The following TCF7L2 variants were observed in gnomAD, a reference collection of about 807,000 sequenced individuals.
TCF7L2 encodes transcription factor 7 like 2, also known as transcription factor 7-like 2.
A neutral mutation model predicts 77.9 loss-of-function variants in TCF7L2; 23 were observed. That is an observed-to-expected ratio of 0.30 (90% CI 0.21 to 0.42). TCF7L2 has a LOEUF of 0.42. TCF7L2 is among the 10% of genes least tolerant of loss of function. The pLI, the probability that TCF7L2 is intolerant of heterozygous loss-of-function variation, is 1.00. For missense variants in TCF7L2, 654 were observed against 793.1 expected (o/e 0.82, Z 2.11); for synonymous variants, 413 against 340.2 (o/e 1.21, Z -2.36).
chr10:113,020,161 A>G (rs1378400726), intron 4 of TCF7L2, among the ~76,000 whole-genome samples: 1 of 152,214 alleles, frequency 6.6e-6, no homozygotes, highest in African/African-American at 2.4e-5. Flanking sequence ...TAATGAGGTC[A>G]GTGAGGGCAG....
In TCF7L2 at chr10:112,964,458, A is replaced by G; in HGVS notation, c.382-98A>G. 2.8e-6 allele frequency: 3 copies of G among 1,077,350 alleles called. No homozygotes were observed. The East Asian group carries it at 7.3e-5, about 26-fold the overall frequency. 66.7% of individuals were successfully genotyped at this position (1,077,350 alleles called of 1,614,324 possible). ...TGATTGAATGCCAAGGCTGCAGTTC[A>G]ATCTAGGAAGGTTTGTCTGCTATTC... On this transcript the variant is annotated intron_variant, in intron 3 of 13. Transcript: ENST00000627217.
chr10:113,142,046 C>T (rs1028725366), intron 6 of TCF7L2, among the ~76,000 whole-genome samples: 5 of 152,200 alleles, frequency 3.3e-5, no homozygotes, highest in African/African-American at 9.6e-5. Flanking sequence ...GCTCTGTCAT[C>T]CAGGCTGGAG....
At position 112,988,390 on chromosome 10, in the gene TCF7L2, C is replaced by T. The variant is rs565866294; in HGVS notation, c.450+23766C>T. ...CTGGGATTACAGGCGTGAGCCACTG[C>T]ACCTGGCCCGTGTGTTGTTTTGAGC... On this transcript the variant is annotated intron_variant, in intron 4 of 13. Transcript: ENST00000627217. 2.6e-5 allele frequency among the ~76,000 whole-genome samples: 4 copies of T among 152,312 alleles called. No homozygotes were observed. In the South Asian group the frequency reaches 6.2e-4, roughly 24 times the overall value.
At chr10:112,987,161 T>A (rs959215133) in intron 4 of TCF7L2, among the ~76,000 whole-genome samples, 1 of 152,212 alleles carries the variant, frequency 6.6e-6, no homozygotes, top group Non-Finnish European at 1.5e-5. Flanking sequence ...ATACACTTGA[T>A]GTGCCAAGAG....
intron 4 of TCF7L2, among the ~76,000 whole-genome samples, chr10:113,011,446 T>C (rs1468104848): frequency 6.6e-6 from 1 of 152,174 alleles, no homozygotes; most frequent in Non-Finnish European, 1.5e-5. Context: ...CTGGTTAAAA[T>C]GTAGATTCTG....
chr10:113,066,990 G>A (rs1048231051), intron 5 of TCF7L2, among the ~76,000 whole-genome samples: 33 of 152,328 alleles, frequency 2.2e-4, no homozygotes, highest in Admixed American at 8.5e-4. Context: ...CGATATTAGA[G>A]CATTTAATAT....
At chr10:113,025,055 GA>G (rs1486335475) in intron 4 of TCF7L2, among the ~76,000 whole-genome samples, 4 of 151,950 alleles carry the variant, frequency 2.6e-5, no homozygotes, top group Non-Finnish European at 5.9e-5. Context: ...TCAAATTTCA[GA>G]TTTTGAAGCT....
At position 113,163,135 on chromosome 10, in the gene TCF7L2, G is replaced by A. The variant is rs146309639; in HGVS notation, c.1392-2420G>A. Among the ~76,000 whole-genome samples the A allele has an allele frequency of 1.8e-3, 279 of 152,108 alleles. 1 individual carries two copies. The highest frequency in any genetic ancestry group is 6.5e-3 in the African/African-American group (268 of 41,478). On this transcript the variant is annotated intron_variant, in intron 13 of 13. Transcript: ENST00000627217. ...ACCTTAGGAGACCCATTGCTCTGTC[G>A]CCATAGTCTTCATGTCCCGTGTTCC...
chr10:112,998,424 G>A (rs557138342), intron 4 of TCF7L2, among the ~76,000 whole-genome samples: 6 of 152,338 alleles, frequency 3.9e-5, no homozygotes, highest in Middle Eastern at 6.8e-3. Context: ...AAGCAGGATT[G>A]AGCAGGGGGA....
chr10:112,965,277 C>T (rs550826426), intron 4 of TCF7L2, among the ~76,000 whole-genome samples: 1 of 152,304 alleles, frequency 6.6e-6, no homozygotes, highest in South Asian at 2.1e-4. Flanking sequence ...CTTCCATTCT[C>T]TTAAATCCGA....
intron 5 of TCF7L2, among the ~76,000 whole-genome samples, chr10:113,090,414 C>T (rs1235859981): frequency 6.6e-6 from 1 of 152,182 alleles, no homozygotes; most frequent in African/African-American, 2.4e-5. Flanking sequence ...GGACAGAAAG[C>T]AGTGCCTCCA....
chr10:113,129,529 A>T (rs1285280655), intron 5 of TCF7L2: 3 of 1,013,762 alleles, frequency 3.0e-6, no homozygotes, highest in Non-Finnish European at 3.5e-6. Context: ...AACCAGCTGA[A>T]CTCTAGATTA....
rs760638826 is a variant in TCF7L2 at position 113,158,006 on chromosome 10, C to T, written c.1270-15C>T. ...TTTCTTGCAGTAATTCCCTGTGTTT[C>T]ATCTCTTCATCTAGGGAAAGAAGAA... On this transcript the variant is annotated splice_polypyrimidine_tract_variant and intron_variant, in intron 11 of 13. Coordinates refer to ENST00000627217, the MANE Select transcript of TCF7L2 (RefSeq NM_001146274.2). The T allele has an allele frequency of 1.0e-5, 16 of 1,579,560 alleles. No individual in the cohort carries two copies. Among genetic ancestry groups the T allele is most frequent in the Admixed American group, 1.8e-5 (1 of 54,954 alleles).
rs184836607 is a variant in TCF7L2, at chr10:113,025,670, C to T, written c.451-14355C>T. ...TGCTGGGATTACAGGTGTGAGTCAC[C>T]GCTCCTGGCCTGAAGCATTTTGGAT... On this transcript the variant is annotated intron_variant, in intron 4 of 13. Transcript: ENST00000627217. Among the ~76,000 whole-genome samples the T allele has an allele frequency of 1.4e-3, 218 of 152,086 alleles. 1 individual carries two copies. The highest frequency in any genetic ancestry group is 5.1e-3 in the African/African-American group (212 of 41,488).
At chr10:113,114,493 CAG>C (rs945840601) in intron 5 of TCF7L2, among the ~76,000 whole-genome samples, 6 of 152,190 alleles carry the variant, frequency 3.9e-5, no homozygotes, top group Non-Finnish European at 5.9e-5. Context: ...AAGGAGAAGT[CAG>C]GGCATTAGCA....
chr10:113,145,114 G>GTT lies in TCF7L2; in HGVS notation c.789-884_789-883dup, dbSNP rs71007415. ...TCTCTAGTTAGATAGATTCTATGCT[G>GTT]TTTTTTTTTTTTTTAATAAAAAACA... On this transcript the variant is annotated intron_variant, in intron 7 of 13. Coordinates refer to ENST00000627217, the MANE Select transcript of TCF7L2 (RefSeq NM_001146274.2). 8.6e-3 allele frequency among the ~76,000 whole-genome samples: 1,253 copies of GTT among 146,232 alleles called. 6 individuals carry two copies. The highest frequency in any genetic ancestry group is 0.013 in the Admixed American group (192 of 14,838).
At chr10:113,150,914 TTTTTTC>T (rs2137120410) in intron 8 of TCF7L2, 78 bp from the exon 9 acceptor site, 1 of 1,558,906 alleles carries the variant, frequency 6.4e-7, no homozygotes, top group Non-Finnish European at 8.7e-7. Context: ...TGCTGTTTTT[TTTTTTC>T]TTTTTAATTG....
chr10:113,077,390 G>GT (rs928915093), intron 5 of TCF7L2, among the ~76,000 whole-genome samples: 9 of 152,116 alleles, frequency 5.9e-5, no homozygotes, highest in Admixed American at 2.0e-4. Flanking sequence ...TAATTCAGTG[G>GT]TTTTTTGTAT....
At chr10:113,089,404 C>G (rs777734663) in intron 5 of TCF7L2, 1 of 1,613,218 alleles carries the variant, frequency 6.2e-7, no homozygotes, top group Non-Finnish European at 8.5e-7. Flanking sequence ...CAGCAGAGCC[C>G]CCTCCCTTGC....
Sources: gnomAD v4.1 joint callset for allele counts (sites outside exome capture counted in the v4.1 genomes callset) on GRCh38, gnomAD v4.1.1 for gene constraint, MANE v1.5 for transcripts, NCBI Gene and HGNC (gene_info 2026-07-23, HGNC 2026-07-21) for gene names.